The following HPS3 variants were observed in gnomAD, a reference collection of about 807,000 sequenced individuals.
HPS3 encodes the protein BLOC-2 complex member HPS3.
HPS3 carries 79 observed loss-of-function variants against 110.9 expected under a neutral mutation model. The ratio of observed to expected loss-of-function variants is 0.71; its 90% confidence interval spans 0.59 to 0.86. HPS3 has a LOEUF of 0.86. HPS3 is among the 40% of genes least tolerant of loss of function. The probability of loss-of-function intolerance (pLI) is 0.00; values close to 1 mark genes in which losing one functional copy is unlikely to be tolerated. For synonymous variants in HPS3, 428 were observed against 451.0 expected (o/e 0.95, Z 0.65); for missense variants, 1,197 against 1,206.2 (o/e 0.99, Z 0.11).
At chr3:149,135,365 G>A (rs551308644) in intron 1 of HPS3, among the ~76,000 whole-genome samples, 1 of 152,186 alleles carries the variant, frequency 6.6e-6, no homozygotes, top group South Asian at 2.1e-4. Context: ...CACGTGTCAA[G>A]GGCGGGACCA....
intron 6 of HPS3, 69 bp from the exon 7 acceptor site, chr3:149,153,425 A>G: frequency 1.5e-6 from 2 of 1,319,356 alleles, no homozygotes. Context: ...AAATAAACTG[A>G]CTGATTTTTG....
Position 149,155,231 on chromosome 3 carries a change from T to C in HPS3, c.1509+16T>C, listed in dbSNP as rs780981065. On this transcript the variant is annotated intron_variant, in intron 8 of 16. Transcript: ENST00000296051. ...CAAAGAGATGGTACTCTTTTCAAAC[T>C]TCTGATTCTTGTTTGTAGATATTTA... The C allele has an allele frequency of 4.8e-6, 6 of 1,250,596 alleles. No individual in the cohort carries two copies. The highest frequency in any genetic ancestry group is 1.7e-5 in the Admixed American group (1 of 59,524). The allele number at this position is 1,250,596 out of a possible 1,614,324, so 77.5% of individuals were successfully genotyped here. A position where few individuals can be genotyped will look rare whatever the true frequency, so the allele number is the denominator to read the frequency against.
At chr3:149,171,301 T>C (rs560382454) in intron 16 of HPS3, among the ~76,000 whole-genome samples, 28 of 152,236 alleles carry the variant, frequency 1.8e-4, no homozygotes, top group Non-Finnish European at 3.4e-4. Context: ...TATTGTTCAT[T>C]AGAACACCAT....
chr3:149,138,300 A>G (rs1330934828), intron 1 of HPS3, among the ~76,000 whole-genome samples: 3 of 152,192 alleles, frequency 2.0e-5, no homozygotes, highest in African/African-American at 4.8e-5. Flanking sequence ...TCATAAGTAC[A>G]TGGGAAGTCA....
intron 16 of HPS3, chr3:149,170,540 T>C (rs1326991495): frequency 6.6e-6 from 1 of 152,172 alleles, no homozygotes; most frequent in Non-Finnish European, 1.5e-5. Flanking sequence ...AACCTAGGAC[T>C]TGGAAGATTA....
rs1724806980 is a variant in HPS3, at chr3:149,169,916, G to A, written c.2887+1933G>A. On this transcript the variant is annotated intron_variant, in intron 16 of 16. Coordinates refer to ENST00000296051, the MANE Select transcript of HPS3 (RefSeq NM_032383.5). The stretch of plus-strand genomic sequence containing the variant: ...CTAGACATGCTGGAAGATTTTAAGG[G>A]TACAGGTTTACATTTAGATATATCA... Among the ~76,000 whole-genome samples, 4 of 152,120 alleles carry A rather than the reference G, an allele frequency of 2.6e-5. No individual in the cohort carries two copies. In the South Asian group the frequency reaches 8.3e-4, roughly 32 times the overall value.
chr3:149,171,410 G>A (rs1467344506), intron 16 of HPS3, among the ~76,000 whole-genome samples: 1 of 146,714 alleles, frequency 6.8e-6, no homozygotes, highest in African/African-American at 2.6e-5. Context: ...GGAAAACATT[G>A]GTGTTTCTTA....
At chr3:149,134,379 A>T (rs1006212914) in intron 1 of HPS3, among the ~76,000 whole-genome samples, 1 of 151,410 alleles carries the variant, frequency 6.6e-6, no homozygotes, top group African/African-American at 2.5e-5. Flanking sequence ...TGTGTGTGAG[A>T]GAGAGAAAGA....
rs1010344465 is a variant in HPS3, at chr3:149,172,368, A to G, written c.*146A>G. Reference sequence around the variant, plus strand: ...CACACACACACACATATATGATACAAATGCTTTCAGGCTGCTTACCTTACC... The same window carrying G: ...CACACACACACACATATATGATACAGATGCTTTCAGGCTGCTTACCTTACC... On this transcript the variant is annotated 3_prime_UTR_variant, in exon 17 of 17. Transcript: ENST00000296051. 1.1e-5 allele frequency: 7 copies of G among 648,624 alleles called. No homozygotes were observed. In the East Asian group the frequency reaches 1.2e-4, roughly 11 times the overall value. 40.2% of individuals were successfully genotyped at this position (648,624 alleles called of 1,614,324 possible). A position where few individuals can be genotyped will look rare whatever the true frequency, so the allele number is the denominator to read the frequency against.
At chr3:149,148,399 CTTTTTTTT>C (rs66720211) in intron 5 of HPS3, among the ~76,000 whole-genome samples, 1 of 100,372 alleles carries the variant, frequency 1.0e-5, no homozygotes, top group African/African-American at 4.2e-5. Context: ...CATATCAAGA[CTTTTTTTT>C]TTTTTTTTTT....
chr3:149,142,654 AT>A (rs140421181), intron 4 of HPS3, among the ~76,000 whole-genome samples: 2 of 151,088 alleles, frequency 1.3e-5, no homozygotes, highest in South Asian at 2.1e-4. Flanking sequence ...TCTAACCTTC[AT>A]TTTTTTTTCT....
chr3:149,170,616 G>A (rs1347499018), intron 16 of HPS3: 1 of 152,092 alleles, frequency 6.6e-6, no homozygotes, highest in Non-Finnish European at 1.5e-5. Flanking sequence ...AAGTCTGTCT[G>A]GATTCCAGAA....
intron 14 of HPS3, among the ~76,000 whole-genome samples, chr3:149,165,013 G>A (rs568236329): frequency 3.3e-5 from 5 of 152,316 alleles, no homozygotes; most frequent in African/African-American, 9.6e-5. Context: ...CTTAGACTCA[G>A]CCTTCAGGTG....
At chr3:149,137,095 T>C (rs1027545448) in intron 1 of HPS3, among the ~76,000 whole-genome samples, 1 of 152,064 alleles carries the variant, frequency 6.6e-6, no homozygotes, top group South Asian at 2.1e-4. Flanking sequence ...ATATCTAGAA[T>C]ATATACAATA....
intron 12 of HPS3, 108 bp from the exon 13 acceptor site, chr3:149,162,582 A>G (rs1381593892): frequency 8.1e-7 from 1 of 1,239,404 alleles, no homozygotes; most frequent in Non-Finnish European, 1.2e-6. Context: ...TGCTAATGGT[A>G]AATTATTGAT....
intron 1 of HPS3, 176 bp downstream of exon 1, chr3:149,130,116 C>T: frequency 1.6e-6 from 1 of 626,608 alleles, no homozygotes; most frequent in South Asian, 1.9e-5. Flanking sequence ...TTGAGCTATG[C>T]GGTTGTCGCG....
In HPS3 at chr3:149,173,680, T is replaced by C. The variant is rs1343844828; in HGVS notation, c.*1458T>C. On this transcript the variant is annotated 3_prime_UTR_variant, in exon 17 of 17. Transcript: ENST00000296051. ...TACATTGTTATGAATCATTGGTTTTTCTCTTTTTTCCACTTATCACCAATT... is the reference window on the plus strand; with the variant it reads ...TACATTGTTATGAATCATTGGTTTTCCTCTTTTTTCCACTTATCACCAATT... 16 of 1,399,198 alleles carry C rather than the reference T, an allele frequency of 1.1e-5. No homozygotes were observed. Among genetic ancestry groups the C allele is most frequent in the Non-Finnish European group, 1.5e-5 (15 of 1,008,102 alleles). 86.7% of individuals were successfully genotyped at this position (1,399,198 alleles called of 1,614,324 possible).
At chr3:149,157,655 C>A in intron 9 of HPS3, 124 bp downstream of exon 9, 3 of 874,882 alleles carry the variant, frequency 3.4e-6, no homozygotes, top group East Asian at 2.5e-5. Flanking sequence ...TCCCTTCTTC[C>A]ACAAGCATTT....
At chr3:149,161,238 TA>T (rs1171147582) in intron 11 of HPS3, among the ~76,000 whole-genome samples, 1 of 152,226 alleles carries the variant, frequency 6.6e-6, no homozygotes, top group East Asian at 1.9e-4. Flanking sequence ...ACTTAAGATA[TA>T]TTAGTCATCA....
Sources: gnomAD v4.1 joint callset for allele counts (sites outside exome capture counted in the v4.1 genomes callset) on GRCh38, gnomAD v4.1.1 for gene constraint, MANE v1.5 for transcripts, NCBI Gene and HGNC (gene_info 2026-07-23, HGNC 2026-07-21) for gene names.